The following THNSL1 variants were observed in gnomAD, a reference collection of about 807,000 sequenced individuals.
THNSL1 encodes threonine synthase-like 1.
In THNSL1, 48 loss-of-function variants were observed where a neutral mutation model predicts 50.4. The ratio of observed to expected loss-of-function variants is 0.95; its 90% confidence interval spans 0.76 to 1.21. The LOEUF is 1.21. Among genes scored for constraint, THNSL1 ranks in the 50% most tolerant of loss-of-function variants. The probability of loss-of-function intolerance (pLI) is 0.00; values close to 1 mark genes in which losing one functional copy is unlikely to be tolerated. For missense variants in THNSL1, 896 were observed against 871.7 expected, an observed-to-expected ratio of 1.03 and a Z score of -0.35; for synonymous variants, 309 against 306.1, an observed-to-expected ratio of 1.01 and a Z score of -0.10.
chr10:24,970,202 T>C, the THNSL1 span, among the ~76,000 whole-genome samples: 1 of 152,264 alleles, frequency 6.6e-6, no homozygotes, highest in African/African-American at 2.4e-5. Flanking sequence ...ATGGTAAGTA[T>C]GCACTCTTCT....
upstream of THNSL1, chr10:25,016,298 A>C (rs1850570294): frequency 2.2e-6 from 1 of 460,218 alleles, no homozygotes; most frequent in Admixed American, 6.0e-5. Context: ...CGTGCCTTTG[A>C]AAGTTAACGG....
At chr10:24,991,209 C>T in the THNSL1 span, among the ~76,000 whole-genome samples, 9 of 152,012 alleles carry the variant, frequency 5.9e-5, no homozygotes, top group African/African-American at 1.9e-4. Flanking sequence ...GCTTTTCTAC[C>T]TTCTACGTTC....
chr10:24,988,254 G>A, the THNSL1 span, among the ~76,000 whole-genome samples: 4 of 137,294 alleles, frequency 2.9e-5, no homozygotes, highest in Admixed American at 1.5e-4. Flanking sequence ...ATATATATGT[G>A]TATATATATA....
In THNSL1 at chr10:25,024,560, G is replaced by T. The variant is rs565237106; in HGVS notation, c.1337G>T (p.Arg446Ile). 3.1e-6 allele frequency: 5 copies of T among 1,614,092 alleles called. No individual in the cohort carries two copies. Among genetic ancestry groups the T allele is most frequent in the Non-Finnish European group, 2.5e-6 (3 of 1,179,996 alleles). Residue 446 changes from arginine (R) to isoleucine (I), a missense_variant, in exon 3 of 3, where the codon AGA (arginine) becomes ATA (isoleucine). Physicochemically the swap from Arg to Ile is moderately conservative, Grantham distance 97. Transcript: ENST00000376356. Reference protein sequence around the residue: ...DFDFCQTAIKRIFNDSDFTGF... With the variant: ...DFDFCQTAIKIIFNDSDFTGF... ...GATTTTTGCCAGACAGCTATAAAAA[G>T]AATTTTTAATGATTCTGATTTTACT...
the THNSL1 span, among the ~76,000 whole-genome samples, chr10:24,954,186 T>G: frequency 6.6e-6 from 1 of 152,142 alleles, no homozygotes; most frequent in Non-Finnish European, 1.5e-5. Flanking sequence ...AGTGCTATCA[T>G]TAGGATGATG....
chr10:24,988,719 TA>T, the THNSL1 span, among the ~76,000 whole-genome samples: 1 of 45,072 alleles, frequency 2.2e-5, no homozygotes, highest in Non-Finnish European at 4.1e-5. Context: ...TATATATATA[TA>T]TATATATTCC....
chr10:25,018,202 G>GA (rs1169758000), intron 1 of THNSL1, among the ~76,000 whole-genome samples: 1 of 152,246 alleles, frequency 6.6e-6, no homozygotes, highest in Non-Finnish European at 1.5e-5. Context: ...AAATCATTTG[G>GA]AAAAAAACTT....
chr10:24,962,168 C>T, the THNSL1 span, among the ~76,000 whole-genome samples: 1 of 152,174 alleles, frequency 6.6e-6, no homozygotes, highest in Non-Finnish European at 1.5e-5. Flanking sequence ...AGCTAACACG[C>T]TCCCATGAAA....
chr10:24,980,695 G>A, the THNSL1 span, among the ~76,000 whole-genome samples: 5 of 152,130 alleles, frequency 3.3e-5, no homozygotes, highest in African/African-American at 9.6e-5. Flanking sequence ...TTTAGCCAAA[G>A]TACCTGTTGG....
At chr10:25,001,299 C>A in the THNSL1 span, among the ~76,000 whole-genome samples, 1 of 149,408 alleles carries the variant, frequency 6.7e-6, no homozygotes, top group Non-Finnish European at 1.5e-5. Flanking sequence ...CTTTTTTTTC[C>A]TCTGGCTGTT....
the THNSL1 span, among the ~76,000 whole-genome samples, chr10:24,974,279 T>TTA: frequency 7.9e-5 from 12 of 151,664 alleles, no homozygotes; most frequent in African/African-American, 2.2e-4. Flanking sequence ...ATGTGATTTT[T>TTA]AAAAAAAAAT....
the THNSL1 span, among the ~76,000 whole-genome samples, chr10:25,010,530 G>A: frequency 3.3e-5 from 5 of 151,352 alleles, no homozygotes; most frequent in Admixed American, 1.3e-4. Flanking sequence ...TGCCATGCTG[G>A]TGTGCTGCAC....
chr10:24,963,623 ATC>A, the THNSL1 span, among the ~76,000 whole-genome samples: 1 of 152,170 alleles, frequency 6.6e-6, no homozygotes, highest in Non-Finnish European at 1.5e-5. Context: ...TTTTTTCCAA[ATC>A]TCTTTCCATA....
upstream of THNSL1, among the ~76,000 whole-genome samples, chr10:25,013,427 C>T (rs74122926): frequency 8.8e-3 from 1,339 of 152,286 alleles, 19 homozygotes; most frequent in African/African-American, 0.03. Context: ...AGAGACCAAC[C>T]TTAGTCAAAA....
the THNSL1 span, among the ~76,000 whole-genome samples, chr10:24,985,849 C>T: frequency 6.6e-6 from 1 of 152,160 alleles, no homozygotes; most frequent in African/African-American, 2.4e-5. Flanking sequence ...AGGTGAATTG[C>T]TTGAGCCCAG....
chr10:25,026,625 C>T lies in THNSL1; in HGVS notation c.*1170C>T, dbSNP rs1850858319. Reference sequence around the variant, plus strand: ...ACCATGATTTATGTTTGTGAATTTACTGGATGTTTTCTTTCTGAATTAAAG... The same window carrying T: ...ACCATGATTTATGTTTGTGAATTTATTGGATGTTTTCTTTCTGAATTAAAG... On this transcript the variant is annotated 3_prime_UTR_variant, in exon 3 of 3. Coordinates refer to ENST00000376356, the MANE Select transcript of THNSL1 (RefSeq NM_024838.5). 1.2e-5 allele frequency: 2 copies of T among 163,752 alleles called. No homozygotes were observed. The highest frequency in any genetic ancestry group is 4.8e-5 in the African/African-American group (2 of 41,526). The allele number at this position is 163,752 out of a possible 1,614,324, so 10.1% of individuals were successfully genotyped here.
Position 25,024,593 on chromosome 10 carries a change from T to G in THNSL1, c.1370T>G (p.Leu457Arg). The G allele has an allele frequency of 6.2e-7, 1 of 1,614,212 alleles. No individual in the cohort carries two copies. Among genetic ancestry groups the G allele is most frequent in the Non-Finnish European group, 8.5e-7 (1 of 1,180,034 alleles). ...AATGATTCTGATTTTACTGGCTTTC[T>G]TACTGTGGAATATGGAACAATCTTA... ...IFNDSDFTGF[L>R]TVEYGTILSS... Residue 457 changes from leucine to arginine, a missense_variant, in exon 3 of 3, where the codon CTT becomes CGT. Transcript: ENST00000376356.
chr10:24,984,886 T>G, the THNSL1 span: 1 of 1,612,722 alleles, frequency 6.2e-7, no homozygotes, highest in African/African-American at 1.3e-5. Context: ...ATGCACCTCT[T>G]CCCAGTTCTT....
the THNSL1 span, among the ~76,000 whole-genome samples, chr10:24,994,746 G>C: frequency 6.6e-6 from 1 of 152,076 alleles, no homozygotes; most frequent in Non-Finnish European, 1.5e-5. Flanking sequence ...ATTTGGCTGG[G>C]TGCAGTGGCT....
Sources: allele counts gnomAD v4.1 joint callset (sites outside exome capture counted in the v4.1 genomes callset), GRCh38; gene constraint gnomAD v4.1.1; transcripts MANE v1.5; gene names NCBI Gene and HGNC (gene_info 2026-07-23, HGNC 2026-07-21).